TENM2: variants seen among roughly 807,000 people sequenced by gnomAD.
TENM2 encodes the protein teneurin transmembrane protein 2.
In TENM2, 52 loss-of-function variants were observed where a neutral mutation model predicts 245.2. That is an observed-to-expected ratio of 0.21 (90% CI 0.17 to 0.27). The LOEUF (loss-of-function observed/expected upper bound fraction) is 0.27. Among genes scored for constraint, TENM2 ranks in the 10% least tolerant of loss-of-function variants. The probability of loss-of-function intolerance (pLI) is 1.00; values close to 1 mark genes in which losing one functional copy is unlikely to be tolerated. For missense variants in TENM2, 3,046 were observed against 3,666.8 expected (o/e 0.83, Z 4.37); for synonymous variants, 1,363 against 1,438.9 (o/e 0.95, Z 1.19).
intron 2 of TENM2, among the ~76,000 whole-genome samples, chr5:167,629,139 T>C (rs1045345935): frequency 1.3e-5 from 2 of 152,222 alleles, no homozygotes; most frequent in Non-Finnish European, 2.9e-5. Flanking sequence ...TCATAGCATA[T>C]GTGTGGTAGA....
chr5:167,131,617 C>G, the TENM2 span, among the ~76,000 whole-genome samples: 4 of 152,072 alleles, frequency 2.6e-5, no homozygotes, highest in Non-Finnish European at 5.9e-5. Flanking sequence ...ATAGCATTTT[C>G]AGAGTTCTCA....
chr5:167,375,785 CCT>C (rs1214975894), intron 2 of TENM2, among the ~76,000 whole-genome samples: 1 of 152,118 alleles, frequency 6.6e-6, no homozygotes, highest in Non-Finnish European at 1.5e-5. Context: ...TAGAAAATGT[CCT>C]CTCTCCACAA....
chr5:168,255,055 AAAAG>A (rs545998731), intron 27 of TENM2, among the ~76,000 whole-genome samples: 58 of 152,050 alleles, frequency 3.8e-4, no homozygotes, highest in East Asian at 2.3e-3. Flanking sequence ...TCAAAAAAAA[AAAAG>A]AAAGAAAGAA....
chr5:168,203,682 CT>C lies in TENM2; in HGVS notation c.3431-4del. 1 of 1,596,360 alleles carries C rather than the reference CT, an allele frequency of 6.3e-7. No individual in the cohort carries two copies. The highest frequency in any genetic ancestry group is 8.6e-7 in the Non-Finnish European group (1 of 1,167,016). ...TCTCACTCTGCCCCACCCCTTTTAT[CT>C]TTCAGTGTCTGTCGGGTTTGAATAT... On this transcript the variant is annotated splice_polypyrimidine_tract_variant and splice_region_variant and intron_variant, in intron 17 of 28. Coordinates refer to ENST00000518659, the Ensembl canonical transcript of TENM2.
At chr5:167,189,508 CCTTT>C in the TENM2 span, among the ~76,000 whole-genome samples, 2 of 151,462 alleles carry the variant, frequency 1.3e-5, no homozygotes, top group South Asian at 2.1e-4. Flanking sequence ...CTTCCTTCCC[CCTTT>C]CTTCCTTCCT....
intron 13 of TENM2, among the ~76,000 whole-genome samples, chr5:168,184,031 C>T (rs1363671781): frequency 2.0e-5 from 3 of 152,156 alleles, no homozygotes; most frequent in Non-Finnish European, 4.4e-5. Context: ...AGATCAAGAG[C>T]ATGCCCAGTG....
chr5:168,054,775 A>T (rs1789398832), intron 6 of TENM2, among the ~76,000 whole-genome samples: 1 of 152,234 alleles, frequency 6.6e-6, no homozygotes, highest in Non-Finnish European at 1.5e-5. Flanking sequence ...AATAGGTAAT[A>T]GTTTCACATT....
intron 2 of TENM2, among the ~76,000 whole-genome samples, chr5:167,522,501 T>C (rs192761087): frequency 2.6e-5 from 4 of 152,020 alleles, no homozygotes; most frequent in Admixed American, 1.3e-4. Flanking sequence ...CTCTGGGTCT[T>C]TTTTTCCCAT....
the TENM2 span, among the ~76,000 whole-genome samples, chr5:167,111,255 G>T: frequency 5.4e-4 from 82 of 152,112 alleles, no homozygotes; most frequent in Non-Finnish European, 9.4e-4. Flanking sequence ...ATAACCCAGA[G>T]ATCAAAATAT....
At chr5:168,013,714 C>T (rs948057797) in intron 5 of TENM2, among the ~76,000 whole-genome samples, 2 of 152,204 alleles carry the variant, frequency 1.3e-5, no homozygotes, top group Non-Finnish European at 2.9e-5. Flanking sequence ...TCCAGGGTGG[C>T]ACTCTGAAGG....
At chr5:168,031,791 A>AGGAGGAAGGGAGGGAGAGAG (rs1787173008) in intron 5 of TENM2, among the ~76,000 whole-genome samples, 4 of 134,820 alleles carry the variant, frequency 3.0e-5, no homozygotes, top group Non-Finnish European at 6.4e-5. Flanking sequence ...GAAGGAGGGA[A>AGGAGGAAGGGAGGGAGAGAG]GGAGGAAGGG....
At chr5:167,056,476 T>C in the TENM2 span, among the ~76,000 whole-genome samples, 1 of 146,184 alleles carries the variant, frequency 6.8e-6, no homozygotes, top group South Asian at 2.1e-4. Flanking sequence ...TATATATGTA[T>C]TATATATATT....
chr5:167,091,122 T>A, the TENM2 span, among the ~76,000 whole-genome samples: 2 of 151,752 alleles, frequency 1.3e-5, no homozygotes, highest in East Asian at 3.9e-4. Flanking sequence ...TTTTTGTGAA[T>A]TTTTTTTTAA....
chr5:168,214,487 C>T (rs1763026752), intron 20 of TENM2, among the ~76,000 whole-genome samples: 1 of 152,234 alleles, frequency 6.6e-6, no homozygotes, highest in South Asian at 2.1e-4. Context: ...TCCATGTCCA[C>T]ACTGAAGAGC....
At chr5:167,395,916 T>C (rs1473257928) in intron 2 of TENM2, among the ~76,000 whole-genome samples, 1 of 152,114 alleles carries the variant, frequency 6.6e-6, no homozygotes, top group African/African-American at 2.4e-5. Flanking sequence ...TACCATCTCA[T>C]ACCCCTGTTA....
intron 27 of TENM2, among the ~76,000 whole-genome samples, chr5:168,253,549 C>T (rs113392702): frequency 0.025 from 3,779 of 151,900 alleles, 61 homozygotes; most frequent in Non-Finnish European, 0.039. Context: ...CCTCAGCCCG[C>T]GGAGTAGCTG....
the TENM2 span, among the ~76,000 whole-genome samples, chr5:166,980,942 C>T: frequency 6.6e-6 from 1 of 152,092 alleles, no homozygotes; most frequent in Non-Finnish European, 1.5e-5. Flanking sequence ...GTCTATGTGC[C>T]AAGAATACGT....
At chr5:167,158,801 A>G in the TENM2 span, among the ~76,000 whole-genome samples, 1 of 151,376 alleles carries the variant, frequency 6.6e-6, no homozygotes, top group Admixed American at 6.6e-5. Context: ...CTAGGGTTTC[A>G]ACATATGATT....
At chr5:167,500,527 G>C (rs976275462) in intron 2 of TENM2, among the ~76,000 whole-genome samples, 1 of 152,126 alleles carries the variant, frequency 6.6e-6, no homozygotes, top group African/African-American at 2.4e-5. Context: ...AGGTGACCTA[G>C]ATTATTAGGA....
Sources: allele counts gnomAD v4.1 joint callset (sites outside exome capture counted in the v4.1 genomes callset), GRCh38; gene constraint gnomAD v4.1.1; transcripts MANE v1.5; gene names NCBI Gene and HGNC (gene_info 2026-07-23, HGNC 2026-07-21).